The following HIVEP1 variants were observed in gnomAD, a reference collection of about 807,000 sequenced individuals.
The protein encoded by HIVEP1 is HIVEP zinc finger 1, also known as zinc finger protein 40.
In HIVEP1, 36 loss-of-function variants were observed where a neutral mutation model predicts 180.0. The ratio of observed to expected loss-of-function variants is 0.20; its 90% CI spans 0.15 to 0.26. The LOEUF (loss-of-function observed/expected upper bound fraction) is 0.26, where lower values mean the gene tolerates loss of function less well. Among genes scored for constraint, HIVEP1 ranks in the 10% least tolerant of loss-of-function variants. The pLI, the probability that HIVEP1 is intolerant of heterozygous loss-of-function variation, is 1.00. For missense variants in HIVEP1, 3,143 were observed against 3,268.7 expected (o/e 0.96, Z 0.94); for synonymous variants, 1,239 against 1,239.0 (o/e 1.00, Z 0.00).
the HIVEP1 span, among the ~76,000 whole-genome samples, chr6:12,186,069 A>G: frequency 4.6e-5 from 7 of 152,262 alleles, no homozygotes; most frequent in Non-Finnish European, 1.0e-4. Context: ...TCAGATAAAC[A>G]GAATGTGTGT....
At chr6:12,093,613 A>G (rs1194338551) in intron 3 of HIVEP1, among the ~76,000 whole-genome samples, 1 of 151,840 alleles carries the variant, frequency 6.6e-6, no homozygotes, top group African/African-American at 2.4e-5. Context: ...TCAAGTGGGT[A>G]ACCATTGCTA....
chr6:12,076,009 C>G lies in HIVEP1; in HGVS notation c.41-13175C>G, dbSNP rs1395459691. Among the ~76,000 whole-genome samples the G allele has an allele frequency of 3.9e-5, 6 of 152,062 alleles. 1 individual carries two copies. The East Asian group carries it at 1.2e-3, about 29-fold the overall frequency. On this transcript the variant is annotated intron_variant, in intron 2 of 8. Coordinates refer to ENST00000379388, the MANE Select transcript of HIVEP1 (RefSeq NM_002114.4). ...CCACCTGTTTTATAAGTTGATGTATCTTTTGTATTCTTTTGATCTGTGGGT... is the reference window on the plus strand; with the variant it reads ...CCACCTGTTTTATAAGTTGATGTATGTTTTGTATTCTTTTGATCTGTGGGT...
rs998182823 is a variant in HIVEP1 at position 12,163,442 on chromosome 6, T to C, written c.7138T>C (p.Leu2380=). 6.2e-6 allele frequency: 10 copies of C among 1,613,956 alleles called. No homozygotes were observed. The African/African-American group carries it at 1.2e-4, about 19-fold the overall frequency. The change falls in exon 9 of 9, where the codon TTG becomes CTG. Residue 2380 remains leucine, a synonymous_variant. Coordinates refer to ENST00000379388, the MANE Select transcript of HIVEP1 (RefSeq NM_002114.4). ...AGGCTTGCCTTCTCCCCACACTCAT[T>C]TGTTTAGCCACCTTCCTTTGCATTC... ...TPGLPSPHTH[L]FSHLPLHSQQ... is the part of the protein sequence containing the mutation.
At chr6:12,040,439 T>A (rs982287724) in intron 2 of HIVEP1, among the ~76,000 whole-genome samples, 3 of 152,256 alleles carry the variant, frequency 2.0e-5, no homozygotes, top group Non-Finnish European at 4.4e-5. Flanking sequence ...CATATCTTTT[T>A]AAATACGTAA....
chr6:12,095,247 A>AT (rs974616510), intron 3 of HIVEP1, among the ~76,000 whole-genome samples: 66 of 151,748 alleles, frequency 4.3e-4, no homozygotes, highest in African/African-American at 1.5e-3. Context: ...TTTTAGTTTC[A>AT]TTAAATTTTG....
At chr6:12,156,309 G>A (rs554359051) in intron 7 of HIVEP1, among the ~76,000 whole-genome samples, 28 of 152,148 alleles carry the variant, frequency 1.8e-4, no homozygotes, top group African/African-American at 5.5e-4. Flanking sequence ...ATCTTTGCCC[G>A]TGACTGTATC....
intron 2 of HIVEP1, among the ~76,000 whole-genome samples, chr6:12,023,861 G>A (rs550348374): frequency 1.3e-5 from 2 of 152,012 alleles, no homozygotes; most frequent in South Asian, 2.1e-4. Flanking sequence ...ACCATAGAAC[G>A]GAAAAATACA....
chr6:12,123,665 A>G lies in HIVEP1; in HGVS notation c.3870A>G (p.Glu1290=). The change falls in exon 4 of 9, where the codon GAA becomes GAG. Residue 1290 remains glutamate, a synonymous_variant. Transcript: ENST00000379388. Reference sequence around the variant, plus strand: ...AAAGGCTCCGTCTGGCTGAGATAGAACATTCCTCAACAGAATCGAGCTTTG... The same window carrying G: ...AAAGGCTCCGTCTGGCTGAGATAGAGCATTCCTCAACAGAATCGAGCTTTG... ...KKKRLRLAEI[E]HSSTESSFDS... 6.2e-7 allele frequency: 1 copy of G among 1,614,010 alleles called. No individual in the cohort carries two copies. Among genetic ancestry groups the G allele is most frequent in the Non-Finnish European group, 8.5e-7 (1 of 1,180,016 alleles).
intron 3 of HIVEP1, among the ~76,000 whole-genome samples, chr6:12,102,988 G>T (rs1162259449): frequency 4.6e-5 from 7 of 151,932 alleles, no homozygotes; most frequent in Admixed American, 3.3e-4. Flanking sequence ...TTTAAAGAAA[G>T]TTATTTTAAA....
At chr6:12,042,181 G>A (rs1224000756) in intron 2 of HIVEP1, among the ~76,000 whole-genome samples, 3 of 148,540 alleles carry the variant, frequency 2.0e-5, no homozygotes, top group East Asian at 2.0e-4. Context: ...CCGGGTTCAC[G>A]CCATTCTCCT....
chr6:12,060,752 A>C (rs1390561388), intron 2 of HIVEP1, among the ~76,000 whole-genome samples: 1 of 152,176 alleles, frequency 6.6e-6, no homozygotes, highest in Non-Finnish European at 1.5e-5. Flanking sequence ...ACACAGATGG[A>C]TTTTTAACTC....
chr6:12,107,620 C>T (rs962603009), intron 3 of HIVEP1, among the ~76,000 whole-genome samples: 3 of 152,126 alleles, frequency 2.0e-5, no homozygotes, highest in Admixed American at 1.3e-4. Flanking sequence ...CTGGTGGGTT[C>T]GTGGTCTCGC....
At chr6:12,198,552 T>C in the HIVEP1 span, among the ~76,000 whole-genome samples, 1 of 152,178 alleles carries the variant, frequency 6.6e-6, no homozygotes, top group Non-Finnish European at 1.5e-5. Context: ...GCTTACATTG[T>C]AGTGGTAAGG....
chr6:12,198,268 T>C, the HIVEP1 span, among the ~76,000 whole-genome samples: 1 of 152,164 alleles, frequency 6.6e-6, no homozygotes, highest in African/African-American at 2.4e-5. Context: ...AGGGAGATGG[T>C]ATAAGATGAA....
At position 12,124,920 on chromosome 6, in the gene HIVEP1, G is replaced by A. The variant is rs750636037; in HGVS notation, c.5125G>A (p.Val1709Ile). The A allele has an allele frequency of 1.9e-6, 3 of 1,613,770 alleles. No individual in the cohort carries two copies. The highest frequency in any genetic ancestry group is 1.7e-6 in the Non-Finnish European group (2 of 1,179,920). Residue 1709 changes from valine to isoleucine, a missense_variant, in exon 4 of 9, where the codon GTT (valine) becomes ATT (isoleucine). By Grantham distance (29) the Val-to-Ile change is conservative (BLOSUM62 3). This residue lies in a region of HIVEP1 where 1,357 missense variants were observed against 1,260.5 expected (regional missense o/e 1.08). Coordinates refer to ENST00000379388, the MANE Select transcript of HIVEP1 (RefSeq NM_002114.4). ...AGAGAAGGAATTTCTATGTGAAAAT[G>A]TTTTTTCAGAGATGAGCCAAAATTC... ...NPEKEFLCEN[V>I]FSEMSQNSSL... is the part of the protein sequence containing the mutation.
chr6:12,122,466 G>A lies in HIVEP1; in HGVS notation c.2671G>A (p.Gly891Arg), dbSNP rs781002929. 3.5e-5 allele frequency: 56 copies of A among 1,614,068 alleles called. No individual in the cohort carries two copies. The South Asian group carries it at 6.1e-4, about 18-fold the overall frequency. Residue 891 changes from glycine to arginine, a missense_variant, in exon 4 of 9, where the codon GGG (glycine) becomes AGG (arginine). Transcript: ENST00000379388. ...ACCTAACGCTCCTGTGCCCCAGAGT[G>A]GGCATCCCCGTACACTTGTGAGACA... ...SGPNAPVPQS[G>R]HPRTLVRQAA... is the part of the protein sequence containing the mutation.
At chr6:12,046,902 A>T (rs1383625000) in intron 2 of HIVEP1, among the ~76,000 whole-genome samples, 2 of 134,942 alleles carry the variant, frequency 1.5e-5, no homozygotes, top group African/African-American at 5.4e-5. Context: ...GCTCTGTAGC[A>T]CAGGCTGGAG....
chr6:12,148,905 G>A (rs220018), intron 7 of HIVEP1, among the ~76,000 whole-genome samples: 103,402 of 152,050 alleles, frequency 0.68, 35,466 homozygotes, highest in Non-Finnish European at 0.71. Context: ...AAACACAGTC[G>A]AAGTATGTCG....
chr6:12,124,091 A>C lies in HIVEP1; in HGVS notation c.4296A>C (p.Gln1432His). ...GAAGGAGAGGCCCACTGGTACGGCA[A>C]ATATCTTTAAACATAGCCCCAGATA... ...LERRRGPLVR[Q>H]ISLNIAPDSH... The change falls in exon 4 of 9, where the codon CAA becomes CAC. Residue 1432 changes from glutamine to histidine, a missense_variant. Gln to His is a conservative substitution (Grantham distance 24, BLOSUM62 0). Coordinates refer to ENST00000379388, the MANE Select transcript of HIVEP1 (RefSeq NM_002114.4). The C allele has an allele frequency of 6.2e-7, 1 of 1,614,118 alleles. No individual in the cohort carries two copies. The highest frequency in any genetic ancestry group is 1.1e-5 in the South Asian group (1 of 91,072).
Sources: allele counts gnomAD v4.1 joint callset (sites outside exome capture counted in the v4.1 genomes callset), GRCh38; gene constraint gnomAD v4.1.1; regional missense constraint gnomAD v4.1.1; transcripts MANE v1.5; gene names NCBI Gene and HGNC (gene_info 2026-07-23, HGNC 2026-07-21).